The following C19orf53 variants were observed in gnomAD, a reference collection of about 807,000 sequenced individuals.
C19orf53 encodes chromosome 19 open reading frame 53.
Under a neutral mutation model 6.5 loss-of-function variants are expected in C19orf53, and 9 were observed. The ratio of observed to expected loss-of-function variants is 1.38; its 90% CI spans 0.83 to 2.40. The LOEUF (loss-of-function observed/expected upper bound fraction) is 2.40. C19orf53 is among the 30% of genes most tolerant of loss of function. C19orf53 has a pLI of 0.00. For missense variants in C19orf53, 166 were observed against 129.7 expected, an observed-to-expected ratio of 1.28 and a Z score of -1.36; for synonymous variants, 68 against 52.5, an observed-to-expected ratio of 1.29 and a Z score of -1.27.
Position 13,774,711 on chromosome 19 carries a change from T to G in C19orf53, c.153+4T>G, listed in dbSNP as rs758449967. On this transcript the variant is annotated splice_donor_region_variant and intron_variant, in intron 2 of 2. Coordinates refer to ENST00000588234, the MANE Select transcript of C19orf53 (RefSeq NM_014047.3). ...GCAGCAGCAAAAGCTCAAGAAGGTG[T>G]GCGGGGGCGAGAGATGGAGCCCGGA... 5.0e-6 allele frequency: 8 copies of G among 1,587,568 alleles called. No homozygotes were observed. In the South Asian group the frequency reaches 5.6e-5, roughly 11 times the overall value.
intron 2 of C19orf53, among the ~76,000 whole-genome samples, chr19:13,776,124 ATT>A (rs57201742): frequency 2.7e-4 from 23 of 84,912 alleles, no homozygotes; most frequent in African/African-American, 6.4e-4. Flanking sequence ...CACCGGGCTA[ATT>A]TTTTTTTTTT....
rs374927355 is a variant in C19orf53 at position 13,778,071 on chromosome 19, G to A, written c.173G>A (p.Arg58Gln). ...KLKKNLEVGI[R>Q]KKIEHDVVMK... ...CCTCAGAACCTAGAAGTCGGAATCCGGAAGAAGATCGAACATGACGTGGTG... is the reference window on the plus strand; with the variant it reads ...CCTCAGAACCTAGAAGTCGGAATCCAGAAGAAGATCGAACATGACGTGGTG... Residue 58 changes from arginine (R) to glutamine (Q), a missense_variant, in exon 3 of 3, where the codon CGG (arginine) becomes CAG (glutamine). Transcript: ENST00000588234. 59 of 1,611,722 alleles carry A rather than the reference G, an allele frequency of 3.7e-5. No homozygotes were observed. In the African/African-American group the frequency reaches 5.6e-4, roughly 15 times the overall value.
Position 13,778,363 on chromosome 19 carries a change from C to A in C19orf53, c.*165C>A. 1 of 789,912 alleles carries A rather than the reference C, an allele frequency of 1.3e-6. No homozygotes were observed. Among genetic ancestry groups the A allele is most frequent in the Non-Finnish European group, 1.9e-6 (1 of 538,944 alleles). The allele number at this position is 789,912 out of a possible 1,614,324, so 48.9% of individuals were successfully genotyped here. On this transcript the variant is annotated 3_prime_UTR_variant, in exon 3 of 3. Transcript: ENST00000588234. ...AAGGGTGCTGAGAACCCAGCAATGA[C>A]CAGGAAGATACAGTCACTAACTTCA...
Position 13,778,267 on chromosome 19 carries a change from A to C in C19orf53, c.*69A>C, listed in dbSNP as rs1217808643. On this transcript the variant is annotated 3_prime_UTR_variant, in exon 3 of 3. Coordinates refer to ENST00000588234, the MANE Select transcript of C19orf53 (RefSeq NM_014047.3). The stretch of plus-strand genomic sequence containing the variant: ...CATATGGGACCTTGCAAGTCATCCC[A>C]CAGGCTGCACTGTCAGGAAGAGGAC... 1 of 1,475,780 alleles carries C rather than the reference A, an allele frequency of 6.8e-7. No individual in the cohort carries two copies. The highest frequency in any genetic ancestry group is 9.0e-7 in the Non-Finnish European group (1 of 1,108,448). The allele number at this position is 1,475,780 out of a possible 1,614,324, so 91.4% of individuals were successfully genotyped here.
intron 2 of C19orf53, among the ~76,000 whole-genome samples, chr19:13,776,723 C>G (rs1238511025): frequency 2.0e-5 from 3 of 152,194 alleles, no homozygotes; most frequent in Non-Finnish European, 4.4e-5. Flanking sequence ...CTTCTTCCAA[C>G]TCTCTTCAAA....
chr19:13,774,781 G>C, intron 2 of C19orf53, 74 bp downstream of exon 2: 2 of 1,528,020 alleles, frequency 1.3e-6, no homozygotes, highest in Admixed American at 1.9e-5. Context: ...CGGCGAGGGG[G>C]GATGGGTGGA....
At chr19:13,775,336 G>GT (rs1974358295) in intron 2 of C19orf53, 1 of 164,088 alleles carries the variant, frequency 6.1e-6, no homozygotes, top group South Asian at 2.0e-4. Context: ...CTGGAGTGCA[G>GT]TGGCCCCATT....
At chr19:13,777,076 C>T (rs1974378874) in intron 2 of C19orf53, among the ~76,000 whole-genome samples, 1 of 151,980 alleles carries the variant, frequency 6.6e-6, no homozygotes, top group Admixed American at 6.6e-5. Context: ...CTCAGCCTCT[C>T]GAGTAGCTGG....
At chr19:13,776,250 T>A (rs1473944433) in intron 2 of C19orf53, among the ~76,000 whole-genome samples, 1 of 150,676 alleles carries the variant, frequency 6.6e-6, no homozygotes, top group African/African-American at 2.4e-5. Flanking sequence ...AGTGCTGGGA[T>A]TACAGGCATG....
Position 13,778,149 on chromosome 19 carries a change from C to T in C19orf53, c.251C>T (p.Ala84Val). Residue 84 changes from alanine to valine, a missense_variant, in exon 3 of 3, where the codon GCC (alanine) becomes GTC (valine). Transcript: ENST00000588234. ...AAGCTGGCACTGCTGAAGGCCCCAG[C>T]CAAGAAGAAAGGGGCAGCTGCCGCC... ...PKKLALLKAPAKKKGAAAATS... is the reference protein window; with the variant it reads ...PKKLALLKAPVKKKGAAAATS... The T allele has an allele frequency of 6.2e-7, 1 of 1,612,464 alleles. No homozygotes were observed.
chr19:13,776,260 G>C (rs1054172426), intron 2 of C19orf53, among the ~76,000 whole-genome samples: 4 of 149,936 alleles, frequency 2.7e-5, no homozygotes, highest in African/African-American at 9.8e-5. Context: ...TTACAGGCAT[G>C]AGCCACTGTG....
Position 13,774,716 on chromosome 19 carries a change from G to C in C19orf53, c.153+9G>C, listed in dbSNP as rs747145392. The stretch of plus-strand genomic sequence containing the variant: ...AGCAAAAGCTCAAGAAGGTGTGCGG[G>C]GGCGAGAGATGGAGCCCGGAGGGCG... On this transcript the variant is annotated intron_variant, in intron 2 of 2. Coordinates refer to ENST00000588234, the MANE Select transcript of C19orf53 (RefSeq NM_014047.3). The C allele has an allele frequency of 1.9e-6, 3 of 1,596,172 alleles. No individual in the cohort carries two copies. The highest frequency in any genetic ancestry group is 2.6e-6 in the Non-Finnish European group (3 of 1,167,590).
chr19:13,774,663 G>A lies in C19orf53; in HGVS notation c.109G>A (p.Ala37Thr), dbSNP rs754146662. Residue 37 changes from alanine to threonine, a missense_variant, in exon 2 of 3, where the codon GCT becomes ACT. By Grantham distance (58) the Ala-to-Thr change is moderately conservative (BLOSUM62 0). Coordinates refer to ENST00000588234, the MANE Select transcript of C19orf53 (RefSeq NM_014047.3). ...ACATCTTTCCCCAGGTCGTGTTATCGCTCCCAAGAAGGCGCGCGTCGTGCA... is the reference window on the plus strand; with the variant it reads ...ACATCTTTCCCCAGGTCGTGTTATCACTCCCAAGAAGGCGCGCGTCGTGCA... ...RGPRKGGRVIAPKKARVVQQQ... is the reference protein window; with the variant it reads ...RGPRKGGRVITPKKARVVQQQ... The A allele has an allele frequency of 6.2e-7, 1 of 1,609,868 alleles. No individual in the cohort carries two copies. The highest frequency in any genetic ancestry group is 8.5e-7 in the Non-Finnish European group (1 of 1,176,402).
intron 2 of C19orf53, 188 bp downstream of exon 2, chr19:13,774,895 C>A: frequency 1.4e-6 from 1 of 733,986 alleles, no homozygotes; most frequent in Non-Finnish European, 2.2e-6. Flanking sequence ...GCCCGGGGCG[C>A]AGAGAGGGGT....
chr19:13,776,540 G>A (rs1974373710), intron 2 of C19orf53, among the ~76,000 whole-genome samples: 1 of 152,118 alleles, frequency 6.6e-6, no homozygotes, highest in South Asian at 2.1e-4. Context: ...ACAAGGCCCT[G>A]TAGAATCTGC....
intron 2 of C19orf53, among the ~76,000 whole-genome samples, chr19:13,777,529 C>T (rs1306080118): frequency 6.6e-6 from 1 of 152,208 alleles, no homozygotes; most frequent in Non-Finnish European, 1.5e-5. Context: ...CCCAGTCCGT[C>T]GGAACTCAGA....
Position 13,774,513 on chromosome 19 carries a change from A to G in C19orf53, c.36A>G (p.Lys12=). 3 of 1,613,432 alleles carry G rather than the reference A, an allele frequency of 1.9e-6. No individual in the cohort carries two copies. The highest frequency in any genetic ancestry group is 2.5e-6 in the Non-Finnish European group (3 of 1,179,700). ...GGCAGCGCAAGTTTCAGGCGCACAA[A>G]CCCGCAAAGAGTAAGACGGCAGCGG... ...AQGQRKFQAH[K]PAKSKTAAAA... Residue 12 remains lysine, a synonymous_variant, in exon 1 of 3, where the codon AAA becomes AAG. Coordinates refer to ENST00000588234, the MANE Select transcript of C19orf53 (RefSeq NM_014047.3).
chr19:13,776,825 CAT>C (rs1974376327), intron 2 of C19orf53, among the ~76,000 whole-genome samples: 1 of 152,206 alleles, frequency 6.6e-6, no homozygotes, highest in African/African-American at 2.4e-5. Flanking sequence ...AACAGTGTAA[CAT>C]ATTACGCTAC....
intron 2 of C19orf53, among the ~76,000 whole-genome samples, chr19:13,775,280 G>A (rs766590565): frequency 1.7e-4 from 23 of 137,810 alleles, no homozygotes; most frequent in Non-Finnish European, 2.5e-4. Context: ...AGGGTGCGTT[G>A]GTTATCGTCA....
Sources: allele counts gnomAD v4.1 joint callset (sites outside exome capture counted in the v4.1 genomes callset), GRCh38; gene constraint gnomAD v4.1.1; transcripts MANE v1.5; gene names NCBI Gene and HGNC (gene_info 2026-07-23, HGNC 2026-07-21).